THSD4: variants seen among roughly 807,000 people sequenced by gnomAD.
THSD4 encodes the protein thrombospondin type 1 domain containing 4.
A neutral mutation model predicts 119.0 loss-of-function variants in THSD4; 69 were observed. The ratio of observed to expected loss-of-function variants is 0.58; its 90% CI spans 0.48 to 0.71. The LOEUF (loss-of-function observed/expected upper bound fraction) is 0.71. Among genes scored for constraint, THSD4 ranks in the 30% least tolerant of loss-of-function variants. THSD4 has a pLI of 0.00. For synonymous variants in THSD4, 524 were observed against 540.4 expected, an observed-to-expected ratio of 0.97 and a Z score of 0.42; for missense variants, 1,393 against 1,391.1, an observed-to-expected ratio of 1.00 and a Z score of -0.02.
At chr15:71,232,941 C>G (rs1035580076) in intron 4 of THSD4, among the ~76,000 whole-genome samples, 1 of 152,138 alleles carries the variant, frequency 6.6e-6, no homozygotes, top group Non-Finnish European at 1.5e-5. Context: ...TGGGGATGCT[C>G]TTAGCCTACT....
chr15:71,186,935 A>G (rs540471264), intron 3 of THSD4: 1 of 152,312 alleles, frequency 6.6e-6, no homozygotes, highest in South Asian at 2.1e-4. Context: ...TCGTTGTACT[A>G]GGAAAACCAT....
chr15:71,536,916 T>C lies in THSD4; in HGVS notation c.1153-123614T>C, dbSNP rs574324729. On this transcript the variant is annotated intron_variant, in intron 7 of 17. Transcript: ENST00000261862. Reference sequence around the variant, plus strand: ...CTTCCCTTATTGATGTAGCCTACTTTTGTCTTAAAATGTAACATCAAAATG... The same window carrying C: ...CTTCCCTTATTGATGTAGCCTACTTCTGTCTTAAAATGTAACATCAAAATG... 1.2e-4 allele frequency among the ~76,000 whole-genome samples: 19 copies of C among 152,254 alleles called. 1 individual carries two copies. Among genetic ancestry groups the C allele is most frequent in the Admixed American group, 1.2e-3 (18 of 15,304 alleles).
intron 13 of THSD4, among the ~76,000 whole-genome samples, chr15:71,747,784 A>G (rs2053367931): frequency 6.6e-6 from 1 of 152,270 alleles, no homozygotes; most frequent in Non-Finnish European, 1.5e-5. Context: ...CAGGTTACGT[A>G]TTAATCAGTA....
intron 7 of THSD4, among the ~76,000 whole-genome samples, chr15:71,424,970 A>T (rs1156790307): frequency 6.6e-6 from 1 of 152,172 alleles, no homozygotes; most frequent in Non-Finnish European, 1.5e-5. Flanking sequence ...AGGCTTCCAG[A>T]CTTTAATGAT....
At chr15:71,353,711 AGAATGCACTGTCCC>A (rs1387242972) in intron 6 of THSD4, among the ~76,000 whole-genome samples, 1 of 152,356 alleles carries the variant, frequency 6.6e-6, no homozygotes, top group East Asian at 1.9e-4. Context: ...CAGGATTTGT[AGAATGCACTGTCCC>A]GACTATTTCA....
chr15:71,696,415 C>G (rs1032864504), intron 8 of THSD4, among the ~76,000 whole-genome samples: 2 of 152,164 alleles, frequency 1.3e-5, no homozygotes, highest in African/African-American at 4.8e-5. Flanking sequence ...CTCACTACAG[C>G]TAAAAGGAAA....
At chr15:71,327,738 G>A (rs911323345) in intron 6 of THSD4, among the ~76,000 whole-genome samples, 1 of 151,712 alleles carries the variant, frequency 6.6e-6, no homozygotes, top group African/African-American at 2.4e-5. Context: ...TATAAATCTT[G>A]ATTTTTCTCT....
chr15:71,150,355 G>A (rs1023773284), intron 2 of THSD4, among the ~76,000 whole-genome samples: 1 of 152,202 alleles, frequency 6.6e-6, no homozygotes, highest in Admixed American at 6.5e-5. Flanking sequence ...GCGCAAGCAG[G>A]GTGAGGTATC....
In THSD4 at chr15:71,745,131, T is replaced by G. The variant is rs747947312; in HGVS notation, c.1932T>G (p.Cys644Trp). The change falls in exon 12 of 18, where the codon TGT (cysteine) becomes TGG (tryptophan). Residue 644 changes from cysteine to tryptophan, a missense_variant. By Grantham distance (215) the Cys-to-Trp change is radical. Coordinates refer to ENST00000261862, the MANE Select transcript of THSD4 (RefSeq NM_024817.3). Reference sequence around the variant, plus strand: ...GATCGCAGTACCCTATTTTCCGCTGTGTGCACAGAAGCACTCATGAAGAGG... The same window carrying G: ...GATCGCAGTACCCTATTTTCCGCTGGGTGCACAGAAGCACTCATGAAGAGG... ...GKGSQYPIFR[C>W]VHRSTHEEAP... 6.2e-7 allele frequency: 1 copy of G among 1,611,892 alleles called. No homozygotes were observed. Among genetic ancestry groups the G allele is most frequent in the Admixed American group, 1.7e-5 (1 of 59,990 alleles).
intron 7 of THSD4, among the ~76,000 whole-genome samples, chr15:71,533,051 A>G (rs2048639207): frequency 6.6e-6 from 1 of 152,214 alleles, no homozygotes; most frequent in African/African-American, 2.4e-5. Context: ...TTGCTGAGCA[A>G]TTGAGTCTTC....
At chr15:71,113,922 G>A (rs942929784), upstream of THSD4, among the ~76,000 whole-genome samples, 14 of 141,248 alleles carry the variant, frequency 9.9e-5, no homozygotes, top group African/African-American at 4.1e-4. Flanking sequence ...AAGTTGCGCA[G>A]GTTTTTTTTT....
chr15:71,367,167 C>A (rs1436392765), intron 6 of THSD4, among the ~76,000 whole-genome samples: 1 of 151,930 alleles, frequency 6.6e-6, no homozygotes, highest in Non-Finnish European at 1.5e-5. Context: ...ACAAGGTTGA[C>A]CTTGATGATG....
At chr15:71,293,470 G>C (rs1247492452) in intron 6 of THSD4, among the ~76,000 whole-genome samples, 1 of 152,044 alleles carries the variant, frequency 6.6e-6, no homozygotes, top group East Asian at 1.9e-4. Flanking sequence ...TGCTTGGGGA[G>C]GAGCATGGGG....
chr15:71,758,100 C>A, intron 15 of THSD4, 25 bp downstream of exon 15: 1 of 1,535,478 alleles, frequency 6.5e-7, no homozygotes, highest in Non-Finnish European at 8.8e-7. Context: ...CTGGGTATGT[C>A]TGCCTGTGTC....
At chr15:71,108,584 C>T (rs1267025076) in intron 1 of THSD4, among the ~76,000 whole-genome samples, 1 of 152,174 alleles carries the variant, frequency 6.6e-6, no homozygotes, top group Non-Finnish European at 1.5e-5. Context: ...AGGGGGCTCA[C>T]TGGAATAGCT....
intron 11 of THSD4, among the ~76,000 whole-genome samples, chr15:71,739,847 C>A (rs1176291488): frequency 2.5e-5 from 3 of 119,044 alleles, no homozygotes; most frequent in Non-Finnish European, 5.4e-5. Context: ...TTTTTCTTTT[C>A]CTTTCTTTTC....
intron 6 of THSD4, among the ~76,000 whole-genome samples, chr15:71,276,366 A>C (rs889067668): frequency 6.6e-6 from 1 of 152,100 alleles, no homozygotes. Context: ...TATTTCCTTA[A>C]ACTGATTTCT....
intron 1 of THSD4, among the ~76,000 whole-genome samples, chr15:71,139,942 G>A (rs933875039): frequency 6.6e-6 from 1 of 152,226 alleles, no homozygotes; most frequent in African/African-American, 2.4e-5. Context: ...GTTTTACTAC[G>A]TTGCAACCAA....
intron 4 of THSD4, among the ~76,000 whole-genome samples, chr15:71,215,670 A>C (rs143597078): frequency 1.3e-5 from 2 of 152,278 alleles, no homozygotes; most frequent in Non-Finnish European, 2.9e-5. Context: ...CCTTAGGAAG[A>C]ATTTTAGGGA....
Sources: allele counts gnomAD v4.1 joint callset (sites outside exome capture counted in the v4.1 genomes callset), GRCh38; gene constraint gnomAD v4.1.1; transcripts MANE v1.5; gene names NCBI Gene and HGNC (gene_info 2026-07-23, HGNC 2026-07-21).